Variants in RARB observed in about 807,000 individuals in gnomAD.
RARB encodes the protein HBV-activated protein.
RARB carries 17 observed loss-of-function variants against 51.9 expected under a neutral mutation model. The observed-to-expected ratio is 0.33, with a 90% CI of 0.22 to 0.49. RARB has a LOEUF of 0.49. Among genes scored for constraint, RARB ranks in the 20% least tolerant of loss-of-function variants. RARB has a pLI of 0.99. For synonymous variants in RARB, 215 were observed against 195.4 expected, an observed-to-expected ratio of 1.10 and a Z score of -0.84; for missense variants, 369 against 550.8, an observed-to-expected ratio of 0.67 and a Z score of 3.30.
chr3:25,559,529 C>G (rs1318508577), intron 3 of RARB, among the ~76,000 whole-genome samples: 1 of 152,206 alleles, frequency 6.6e-6, no homozygotes, highest in African/African-American at 2.4e-5. Flanking sequence ...GTGTCTTTTA[C>G]TAGAATGTGA....
chr3:25,465,444 C>A (rs1695384056), intron 2 of RARB, among the ~76,000 whole-genome samples: 1 of 152,132 alleles, frequency 6.6e-6, no homozygotes, highest in East Asian at 1.9e-4. Context: ...CCAAACAGAG[C>A]CTGGTATATC....
intron 5 of RARB, among the ~76,000 whole-genome samples, chr3:25,219,383 CAGA>C (rs1468479397): frequency 6.6e-6 from 1 of 152,118 alleles, no homozygotes; most frequent in Non-Finnish European, 1.5e-5. Context: ...GAAGAGGAGG[CAGA>C]AGAATAACTA....
At chr3:25,530,365 C>T (rs1157641324) in intron 3 of RARB, among the ~76,000 whole-genome samples, 1 of 152,236 alleles carries the variant, frequency 6.6e-6, no homozygotes, top group Non-Finnish European at 1.5e-5. Flanking sequence ...AATTACCGCA[C>T]ATTTAGCGGC....
chr3:25,256,115 A>C (rs1280002741), intron 5 of RARB, among the ~76,000 whole-genome samples: 1 of 152,194 alleles, frequency 6.6e-6, no homozygotes, highest in Non-Finnish European at 1.5e-5. Flanking sequence ...GTGAATGAAA[A>C]TATATGCCCA....
chr3:25,328,696 C>T (rs1367196807), intron 5 of RARB, among the ~76,000 whole-genome samples: 4 of 152,142 alleles, frequency 2.6e-5, no homozygotes, highest in African/African-American at 9.7e-5. Context: ...GGGTGCAGCC[C>T]ATGGAACATG....
chr3:25,257,056 T>G (rs1400171789), intron 5 of RARB, among the ~76,000 whole-genome samples: 2 of 152,152 alleles, frequency 1.3e-5, no homozygotes, highest in African/African-American at 4.8e-5. Context: ...TGTAAGCTCA[T>G]CAATGTAGAG....
At chr3:25,421,158 A>T (rs1486041757) in intron 5 of RARB, among the ~76,000 whole-genome samples, 1 of 151,974 alleles carries the variant, frequency 6.6e-6, no homozygotes, top group Non-Finnish European at 1.5e-5. Context: ...TATAAATATA[A>T]AAATGCTTCA....
intron 3 of RARB, among the ~76,000 whole-genome samples, chr3:25,505,112 A>G (rs1697518778): frequency 1.3e-5 from 2 of 152,074 alleles, no homozygotes; most frequent in South Asian, 2.1e-4. Context: ...TATCCCATTG[A>G]TCTTCATAAC....
intron 3 of RARB, among the ~76,000 whole-genome samples, chr3:25,083,948 A>G (rs978498015): frequency 4.6e-5 from 7 of 152,168 alleles, no homozygotes; most frequent in Non-Finnish European, 7.4e-5. Flanking sequence ...ATCCACTCCG[A>G]CAAACTGAAA....
chr3:25,440,307 G>A (rs557125512), intron 1 of RARB, among the ~76,000 whole-genome samples: 24 of 152,064 alleles, frequency 1.6e-4, no homozygotes, highest in East Asian at 1.5e-3. Flanking sequence ...TTATGTGGCC[G>A]TGGTGGCACG....
At chr3:25,320,781 A>T (rs554969036) in intron 5 of RARB, among the ~76,000 whole-genome samples, 1 of 152,124 alleles carries the variant, frequency 6.6e-6, no homozygotes, top group Non-Finnish European at 1.5e-5. Context: ...TTTTGACCAG[A>T]GATATGATTT....
At chr3:25,128,545 T>C (rs1025153946) in intron 3 of RARB, among the ~76,000 whole-genome samples, 3 of 151,312 alleles carry the variant, frequency 2.0e-5, no homozygotes, top group Non-Finnish European at 4.4e-5. Flanking sequence ...GGACATGGAA[T>C]CCTACACAAT....
intron 2 of RARB, among the ~76,000 whole-genome samples, chr3:24,890,762 T>C (rs1365606843): frequency 1.3e-5 from 2 of 152,170 alleles, no homozygotes; most frequent in Non-Finnish European, 2.9e-5. Flanking sequence ...TGTTCTGTTC[T>C]TTCCTGGACA....
chr3:25,449,151 C>A (rs1709080192), intron 1 of RARB, among the ~76,000 whole-genome samples: 2 of 152,088 alleles, frequency 1.3e-5, no homozygotes, highest in Non-Finnish European at 1.5e-5. Context: ...GTTGTGCAGA[C>A]TCCATTTGGC....
intron 2 of RARB, among the ~76,000 whole-genome samples, chr3:25,048,505 T>G (rs1043153027): frequency 1.3e-5 from 2 of 152,206 alleles, no homozygotes; most frequent in African/African-American, 4.8e-5. Flanking sequence ...ATTATACAGG[T>G]TTGCTTATAC....
chr3:25,403,788 A>T (rs1707328720), intron 5 of RARB, among the ~76,000 whole-genome samples: 2 of 149,116 alleles, frequency 1.3e-5, no homozygotes, highest in African/African-American at 4.9e-5. Context: ...ATTATTTAGC[A>T]CTGTTACTTT....
chr3:25,486,386 C>G (rs536540336), intron 2 of RARB, among the ~76,000 whole-genome samples: 6 of 152,280 alleles, frequency 3.9e-5, no homozygotes, highest in Admixed American at 2.6e-4. Flanking sequence ...AGTAGACTAG[C>G]TTAGAGCCCT....
At chr3:25,037,468 A>G (rs1424557920) in intron 2 of RARB, among the ~76,000 whole-genome samples, 2 of 152,114 alleles carry the variant, frequency 1.3e-5, no homozygotes, top group Admixed American at 1.3e-4. Flanking sequence ...ATAAAACCTC[A>G]GACACCAGGA....
rs371224017 is a variant in RARB at position 25,329,651 on chromosome 3, A to T, written c.179-131542A>T. On this transcript the variant is annotated intron_variant, in intron 5 of 11. Coordinates refer to the RARB transcript ENST00000383772. ...CTCGACAGCAATGGAACAAAGCTGG[A>T]TGGAGAATGACTTTGATGAGTTGAG... Among the ~76,000 whole-genome samples, 6 of 152,240 alleles carry T rather than the reference A, an allele frequency of 3.9e-5. No individual in the cohort carries two copies. In the East Asian group the frequency reaches 7.7e-4, roughly 20 times the overall value.
Sources: gnomAD v4.1 joint callset for allele counts (sites outside exome capture counted in the v4.1 genomes callset) on GRCh38, gnomAD v4.1.1 for gene constraint, MANE v1.5 for transcripts, NCBI Gene and HGNC (gene_info 2026-07-23, HGNC 2026-07-21) for gene names.